Variants in CCDC7 observed in about 807,000 individuals in gnomAD.
CCDC7 encodes coiled-coil domain-containing protein 7.
CCDC7 carries 183 observed loss-of-function variants against 196.9 expected under a neutral mutation model. The ratio of observed to expected loss-of-function variants is 0.93; its 90% CI spans 0.82 to 1.05. CCDC7 has a LOEUF of 1.05. CCDC7 is among the 50% of genes least tolerant of loss of function. CCDC7 has a pLI of 0.00. For synonymous variants in CCDC7, 525 were observed against 484.6 expected (o/e 1.08, Z -1.10); for missense variants, 1,540 against 1,482.2 (o/e 1.04, Z -0.64).
intron 30 of CCDC7, 118 bp downstream of exon 31, chr10:32,805,216 A>T: frequency 1.5e-6 from 1 of 684,594 alleles, no homozygotes; most frequent in Non-Finnish European, 2.6e-6. Context: ...ACAGGTTCTC[A>T]TGAATACCCT....
chr10:32,666,645 C>A (rs1028938647), intron 21 of CCDC7, among the ~76,000 whole-genome samples: 1 of 151,002 alleles, frequency 6.6e-6, no homozygotes, highest in Non-Finnish European at 1.5e-5. Flanking sequence ...TTTGTCCTTG[C>A]GATAGTTTGC....
At chr10:32,501,809 C>T (rs534185306) in intron 9 of CCDC7, among the ~76,000 whole-genome samples, 4 of 152,316 alleles carry the variant, frequency 2.6e-5, no homozygotes, top group East Asian at 1.9e-4. Flanking sequence ...AGTCTGGATA[C>T]GTGGATGGTC....
At position 32,753,323 on chromosome 10, in the gene CCDC7, TAAAC is replaced by T. The variant is rs370195286; in HGVS notation, c.2905+23871_2905+23874del. Among the ~76,000 whole-genome samples the T allele has an allele frequency of 4.5e-4, 68 of 152,282 alleles. No individual in the cohort carries two copies. In the East Asian group the frequency reaches 9.1e-3, roughly 20 times the overall value. ...TTGGAATGTGGTCATAAATAGATATTAAACAAACCAGTTTTGATTTTTATATCTG... is the reference window on the plus strand; with the variant it reads ...TTGGAATGTGGTCATAAATAGATATTAAACCAGTTTTGATTTTTATATCTG... On this transcript the variant is annotated intron_variant, in intron 28 of 41. Transcript: ENST00000639629.
chr10:32,770,665 T>C (rs2079031960), intron 28 of CCDC7, among the ~76,000 whole-genome samples: 1 of 152,178 alleles, frequency 6.6e-6, no homozygotes, highest in Non-Finnish European at 1.5e-5. Context: ...CCGTTGTTTC[T>C]CTGTTGACTT....
At chr10:32,616,854 T>C (rs1291314052) in intron 18 of CCDC7, among the ~76,000 whole-genome samples, 1 of 151,922 alleles carries the variant, frequency 6.6e-6, no homozygotes, top group Non-Finnish European at 1.5e-5. Flanking sequence ...TTGTTGAGGA[T>C]TTTTATCATG....
chr10:32,710,888 C>T (rs1435083705), intron 24 of CCDC7, among the ~76,000 whole-genome samples: 1 of 152,184 alleles, frequency 6.6e-6, no homozygotes, highest in Non-Finnish European at 1.5e-5. Context: ...TATTCACTTA[C>T]TGCAACAACA....
intron 8 of CCDC7, among the ~76,000 whole-genome samples, chr10:32,476,586 ACTG>A (rs71515562): frequency 0.14 from 20,947 of 152,150 alleles, 1,735 homozygotes; most frequent in East Asian, 0.25. Flanking sequence ...AAGGAGCATG[ACTG>A]CTAAGTCATA....
At chr10:32,835,210 C>T (rs1428462841) in intron 33 of CCDC7, among the ~76,000 whole-genome samples, 1 of 152,040 alleles carries the variant, frequency 6.6e-6, no homozygotes, top group African/African-American at 2.4e-5. Context: ...TCCTGAATAT[C>T]TCTGATAAAA....
chr10:32,693,674 C>G (rs1565165507), intron 23 of CCDC7, among the ~76,000 whole-genome samples: 2 of 152,090 alleles, frequency 1.3e-5, no homozygotes, highest in South Asian at 4.2e-4. Flanking sequence ...AAAATTGATT[C>G]CTAGCCAGGC....
chr10:32,772,899 C>T lies in CCDC7; in HGVS notation c.2906-6078C>T, dbSNP rs143404221. Among the ~76,000 whole-genome samples, 1,338 of 152,238 alleles carry T rather than the reference C, an allele frequency of 8.8e-3. 15 individuals are homozygous for T. The highest frequency in any genetic ancestry group is 0.029 in the African/African-American group (1,218 of 41,514). On this transcript the variant is annotated intron_variant, in intron 28 of 41. Coordinates refer to ENST00000639629, the Ensembl canonical transcript of CCDC7. ...TTCACCTGACTCGCAGTGTAGGCTG[C>T]AGCCTTTTGCTTCTTTCAAAGGGTC...
chr10:32,555,090 G>T (rs2054133869), intron 13 of CCDC7, among the ~76,000 whole-genome samples: 1 of 152,030 alleles, frequency 6.6e-6, no homozygotes, highest in South Asian at 2.1e-4. Flanking sequence ...TTATTCATTT[G>T]TCTGTTGATG....
chr10:32,793,310 C>T (rs2083018421), intron 29 of CCDC7, among the ~76,000 whole-genome samples: 1 of 152,048 alleles, frequency 6.6e-6, no homozygotes, highest in African/African-American at 2.4e-5. Flanking sequence ...TAGGGAAGAC[C>T]CTTAGGTAGC....
intron 21 of CCDC7, among the ~76,000 whole-genome samples, chr10:32,669,323 T>C (rs970570072): frequency 6.6e-6 from 1 of 152,134 alleles, no homozygotes; most frequent in Admixed American, 6.6e-5. Context: ...TTTTGCATGA[T>C]CATCAGAGAT....
upstream of CCDC7, among the ~76,000 whole-genome samples, chr10:32,446,894 C>T (rs2031285887): frequency 8.0e-6 from 1 of 125,270 alleles, no homozygotes; most frequent in Non-Finnish European, 1.8e-5. Context: ...GCCTGCCTGC[C>T]TGCCTGCCTG....
intron 21 of CCDC7, among the ~76,000 whole-genome samples, chr10:32,671,445 T>C (rs1328217020): frequency 6.6e-6 from 1 of 152,170 alleles, no homozygotes. Flanking sequence ...TGTAGGTTTA[T>C]GCAATGATAA....
At chr10:32,598,542 A>G (rs965757836) in intron 18 of CCDC7, among the ~76,000 whole-genome samples, 1 of 152,204 alleles carries the variant, frequency 6.6e-6, no homozygotes, top group Admixed American at 6.5e-5. Context: ...TCAGTTGGAA[A>G]TGCAGAAATC....
At chr10:32,692,700 C>CAT (rs2077225882) in intron 23 of CCDC7, among the ~76,000 whole-genome samples, 1 of 152,154 alleles carries the variant, frequency 6.6e-6, no homozygotes, top group Non-Finnish European at 1.5e-5. Context: ...ATGCCAAACT[C>CAT]AAAGTAACAA....
rs1056629632 is a variant in CCDC7 at position 32,544,757 on chromosome 10, G to T, written c.1134+456G>T. Among the ~76,000 whole-genome samples, 2 of 152,014 alleles carry T rather than the reference G, an allele frequency of 1.3e-5. 1 individual carries two copies. On this transcript the variant is annotated intron_variant, in intron 13 of 41. Coordinates refer to ENST00000639629, the Ensembl canonical transcript of CCDC7. Reference sequence around the variant, plus strand: ...AGGTGTAAACATTTTAAGATGCAACGAAAAACTTCTTCAGAAATTGTAAAC... The same window carrying T: ...AGGTGTAAACATTTTAAGATGCAACTAAAAACTTCTTCAGAAATTGTAAAC...
chr10:32,599,426 T>G (rs933981027), intron 18 of CCDC7, among the ~76,000 whole-genome samples: 1 of 152,208 alleles, frequency 6.6e-6, no homozygotes, highest in African/African-American at 2.4e-5. Flanking sequence ...ATATAATTAC[T>G]GTTAAGGGGA....
Sources: allele counts gnomAD v4.1 joint callset (sites outside exome capture counted in the v4.1 genomes callset), GRCh38; gene constraint gnomAD v4.1.1; transcripts MANE v1.5; gene names NCBI Gene and HGNC (gene_info 2026-07-23, HGNC 2026-07-21).